ENPP1: variants seen among roughly 807,000 people sequenced by gnomAD.
The protein encoded by ENPP1 is ectonucleotide pyrophosphatase/phosphodiesterase family member 1.
Under a neutral mutation model 122.8 loss-of-function variants are expected in ENPP1, and 73 were observed. The observed-to-expected ratio is 0.59, with a 90% CI of 0.49 to 0.72. The LOEUF (loss-of-function observed/expected upper bound fraction) is 0.72. ENPP1 is among the 30% of genes least tolerant of loss of function. ENPP1 has a pLI of 0.00. For missense variants in ENPP1, 978 were observed against 1,128.1 expected, an observed-to-expected ratio of 0.87 and a Z score of 1.91; for synonymous variants, 367 against 391.6, an observed-to-expected ratio of 0.94 and a Z score of 0.74.
intron 1 of ENPP1, among the ~76,000 whole-genome samples, chr6:131,813,599 G>A (rs1270373002): frequency 2.6e-5 from 4 of 152,002 alleles, no homozygotes; most frequent in Non-Finnish European, 5.9e-5. Context: ...GTGCAGACAT[G>A]ACTTAACCCT....
At chr6:131,811,016 G>A (rs1311937899) in intron 1 of ENPP1, among the ~76,000 whole-genome samples, 1 of 152,114 alleles carries the variant, frequency 6.6e-6, no homozygotes, top group African/African-American at 2.4e-5. Context: ...TTCTCTACAT[G>A]TGTCAGTAGG....
intron 1 of ENPP1, among the ~76,000 whole-genome samples, chr6:131,810,047 G>A (rs1282101126): frequency 1.3e-5 from 2 of 152,156 alleles, no homozygotes; most frequent in Non-Finnish European, 2.9e-5. Context: ...GGAACACTGT[G>A]AGACATTAAC....
chr6:131,827,441 A>G, intron 1 of ENPP1: 1 of 670,070 alleles, frequency 1.5e-6, no homozygotes, highest in Non-Finnish European at 2.7e-6. Context: ...AGGAGGTCAG[A>G]CTGTAGAGTA....
At chr6:131,808,396 T>C in intron 1 of ENPP1, 121 bp downstream of exon 1, 1 of 1,240,650 alleles carries the variant, frequency 8.1e-7, no homozygotes, top group Non-Finnish European at 1.0e-6. Flanking sequence ...GGTCCGGGAG[T>C]GCTTCTTCGC....
intron 1 of ENPP1, chr6:131,819,806 C>T: frequency 2.5e-6 from 1 of 395,398 alleles, no homozygotes; most frequent in East Asian, 6.5e-5. Context: ...CAGACATTTA[C>T]CTTCCTCATC....
chr6:131,842,184 A>G (rs1446276631), intron 1 of ENPP1, among the ~76,000 whole-genome samples: 1 of 152,166 alleles, frequency 6.6e-6, no homozygotes, highest in Non-Finnish European at 1.5e-5. Flanking sequence ...TTGTGATGTT[A>G]TAGTTTGGAT....
chr6:131,877,196 T>C (rs763891669), intron 18 of ENPP1, 35 bp downstream of exon 18: 2 of 1,596,168 alleles, frequency 1.3e-6, no homozygotes, highest in East Asian at 4.5e-5. Flanking sequence ...CCAGTATGTA[T>C]GGTTTGATAG....
intron 15 of ENPP1, among the ~76,000 whole-genome samples, 196 bp downstream of exon 15, chr6:131,873,246 C>G (rs1002311260): frequency 1.3e-5 from 2 of 152,122 alleles, no homozygotes; most frequent in Admixed American, 6.6e-5. Flanking sequence ...CTGTCCTGCA[C>G]ATTGTGGGAT....
At chr6:131,882,956 TA>T (rs1782331698) in intron 21 of ENPP1, among the ~76,000 whole-genome samples, 1 of 152,122 alleles carries the variant, frequency 6.6e-6, no homozygotes, top group Non-Finnish European at 1.5e-5. Flanking sequence ...CTTTGTTGTT[TA>T]AAAAGAAAAT....
At chr6:131,855,137 C>G in intron 6 of ENPP1, 114 bp downstream of exon 6, 1 of 800,268 alleles carries the variant, frequency 1.2e-6, no homozygotes. Flanking sequence ...CTAAACTTTT[C>G]TATGGCAAAG....
intron 6 of ENPP1, 55 bp from the exon 7 acceptor site, chr6:131,858,613 G>A (rs1781979049): frequency 4.3e-6 from 5 of 1,168,636 alleles, no homozygotes; most frequent in Admixed American, 1.8e-5. Flanking sequence ...TGCTAAATGA[G>A]GTAAGCCAAT....
At chr6:131,857,034 T>G (rs544481793) in intron 6 of ENPP1, among the ~76,000 whole-genome samples, 18 of 152,238 alleles carry the variant, frequency 1.2e-4, no homozygotes, top group African/African-American at 4.3e-4. Flanking sequence ...AAGAAAGTCA[T>G]TGGTAGCTTG....
At chr6:131,834,952 G>T (rs1208932316) in intron 1 of ENPP1, among the ~76,000 whole-genome samples, 2 of 152,258 alleles carry the variant, frequency 1.3e-5, no homozygotes, top group East Asian at 3.9e-4. Flanking sequence ...AAGTAAATTT[G>T]TAGACATTTT....
At chr6:131,889,334 T>A (rs991517994) in intron 24 of ENPP1, among the ~76,000 whole-genome samples, 1 of 152,108 alleles carries the variant, frequency 6.6e-6, no homozygotes, top group Non-Finnish European at 1.5e-5. Flanking sequence ...GTCACCCAGG[T>A]ATTAAGCCCA....
intron 1 of ENPP1, among the ~76,000 whole-genome samples, chr6:131,811,417 TC>T (rs1327024224): frequency 2.0e-5 from 3 of 150,540 alleles, no homozygotes; most frequent in African/African-American, 7.4e-5. Context: ...TATATCTATA[TC>T]TATATCTATA....
At chr6:131,816,485 A>G (rs1781416230) in intron 1 of ENPP1, among the ~76,000 whole-genome samples, 1 of 152,202 alleles carries the variant, frequency 6.6e-6, no homozygotes, top group Admixed American at 6.5e-5. Context: ...CAGAATTCTG[A>G]CCCAGCTCGA....
In ENPP1 at chr6:131,892,405, T is replaced by C. The variant is rs931980155; in HGVS notation, c.*1894T>C. ...AGTAACAGGGTCCCCTCATTACTAC[T>C]GGGCAAGGTGAGAATTCAGTTTCCC... On this transcript the variant is annotated 3_prime_UTR_variant, in exon 25 of 25. Transcript: ENST00000647893. 6.6e-6 allele frequency: 1 copy of C among 152,200 alleles called. No homozygotes were observed. Among genetic ancestry groups the C allele is most frequent in the Non-Finnish European group, 1.5e-5 (1 of 68,048 alleles). The allele number at this position is 152,200 out of a possible 1,614,324, so 9.4% of individuals were successfully genotyped here.
chr6:131,867,394 C>T (rs1190104978), intron 11 of ENPP1, among the ~76,000 whole-genome samples: 3 of 152,078 alleles, frequency 2.0e-5, no homozygotes, highest in Non-Finnish European at 4.4e-5. Flanking sequence ...ATTTGTCATT[C>T]TGTGTTCTTG....
chr6:131,832,898 A>G (rs1368045136), intron 1 of ENPP1, among the ~76,000 whole-genome samples: 3 of 152,256 alleles, frequency 2.0e-5, no homozygotes, highest in African/African-American at 4.8e-5. Context: ...ATGGGTCTAC[A>G]TAAGTTTAAA....
Sources: allele counts gnomAD v4.1 joint callset (sites outside exome capture counted in the v4.1 genomes callset), GRCh38; gene constraint gnomAD v4.1.1; transcripts MANE v1.5; gene names NCBI Gene and HGNC (gene_info 2026-07-23, HGNC 2026-07-21).